SYNE2: variants seen among roughly 807,000 people sequenced by gnomAD.
The protein encoded by SYNE2 is spectrin repeat containing nuclear envelope protein 2.
A neutral mutation model predicts 856.3 loss-of-function variants in SYNE2; 431 were observed. The ratio of observed to expected loss-of-function variants is 0.50; its 90% CI spans 0.47 to 0.55. The LOEUF (loss-of-function observed/expected upper bound fraction) is 0.55, where lower values mean the gene tolerates loss of function less well. Ranked by LOEUF, SYNE2 falls within the 20% of genes least tolerant of loss-of-function variation. The pLI is 0.00. For missense variants in SYNE2, 8,129 were observed against 8,023.2 expected (o/e 1.01, Z -0.50); for synonymous variants, 2,923 against 2,872.3 (o/e 1.02, Z -0.56).
At chr14:64,168,518 G>A (rs1308621925) in intron 92 of SYNE2, among the ~76,000 whole-genome samples, 3 of 152,194 alleles carry the variant, frequency 2.0e-5, no homozygotes, top group Non-Finnish European at 4.4e-5. Flanking sequence ...CCTTAAGTAA[G>A]TTACTGAACC....
At chr14:64,174,860 C>A in intron 94 of SYNE2, 84 bp from the exon 95 acceptor site, 1 of 1,311,666 alleles carries the variant, frequency 7.6e-7, no homozygotes, top group East Asian at 2.4e-5. Flanking sequence ...AAGAAAAGCT[C>A]TGAAGGAAAT....
rs373267993 is a variant in SYNE2 at position 64,029,911 on chromosome 14, T to G, written c.6731T>G (p.Leu2244Trp). The G allele has an allele frequency of 8.1e-6, 13 of 1,613,788 alleles. No homozygotes were observed. In the African/African-American group the frequency reaches 1.6e-4, roughly 20 times the overall value. Residue 2244 changes from leucine to tryptophan, a missense_variant, in exon 44 of 116, where the codon TTG becomes TGG. Transcript: ENST00000555002. Reference sequence around the variant, plus strand: ...TATTTTTAGGATTCTGTGCAAAACTTGGACGGTCACGTTCGAGAACATGAT... The same window carrying G: ...TATTTTTAGGATTCTGTGCAAAACTGGGACGGTCACGTTCGAGAACATGAT... ...LQQLQDSVQNLDGHVREHDSY... is the reference protein window; with the variant it reads ...LQQLQDSVQNWDGHVREHDSY...
At chr14:64,189,954 T>C in intron 98 of SYNE2, 117 bp from the exon 99 acceptor site, 1 of 1,237,468 alleles carries the variant, frequency 8.1e-7, no homozygotes, top group Non-Finnish European at 1.1e-6. Flanking sequence ...TGAGCCACTA[T>C]GCCTGGCCAA....
chr14:64,137,789 A>G lies in SYNE2; in HGVS notation c.14649A>G (p.Gln4883=). ...RLVERISFYQ[Q]IKRNIGGKHA... ...TCTATGACTTTACTTTTTATTAGCA[A>G]ATAAAAAGAAACATTGGTGGAAAAC... is the stretch of plus-strand genomic sequence containing the variant. Residue 4883 remains glutamine (Q), a splice_region_variant and synonymous_variant, in exon 79 of 116, where the codon CAA becomes CAG. Transcript: ENST00000555002. 6.2e-7 allele frequency: 1 copy of G among 1,614,184 alleles called. No homozygotes were observed. The highest frequency in any genetic ancestry group is 1.7e-5 in the Admixed American group (1 of 60,018).
chr14:64,209,992 C>A lies in SYNE2; in HGVS notation c.18591C>A (p.Asn6197Lys). 6.2e-7 allele frequency: 1 copy of A among 1,614,162 alleles called. No homozygotes were observed. Among genetic ancestry groups the A allele is most frequent in the Non-Finnish European group, 8.5e-7 (1 of 1,180,022 alleles). ...GGCTCACTCAGCTGGAGCTCATCAA[C>A]AAGCAGTACCGGCGGCTGGCCCGGG... ...HERLTQLELI[N>K]KQYRRLAREN... Residue 6197 changes from asparagine (N) to lysine (K), a missense_variant, in exon 103 of 116, where the codon AAC becomes AAA. Coordinates refer to ENST00000555002, the MANE Select transcript of SYNE2 (RefSeq NM_182914.3).
In SYNE2 at chr14:63,997,382, A is replaced by G. The variant is rs757121807; in HGVS notation, c.3234A>G (p.Ser1078=). 2.5e-6 allele frequency: 4 copies of G among 1,612,318 alleles called. No homozygotes were observed. Residue 1078 remains serine, a synonymous_variant, in exon 25 of 116, where the codon TCA becomes TCG. Transcript: ENST00000555002. ...APFAKSDNQP[S]TEKAMEPTMK... Reference sequence around the variant, plus strand: ...TTGCAAAATCAGATAATCAGCCATCAACTGAAAAGGTGTTAAATGTGGATA... The same window carrying G: ...TTGCAAAATCAGATAATCAGCCATCGACTGAAAAGGTGTTAAATGTGGATA...
At chr14:63,815,192 CCATATATATATCCAT>C (rs1888903765) in intron 1 of SYNE2, among the ~76,000 whole-genome samples, 3 of 13,440 alleles carry the variant, frequency 2.2e-4, no homozygotes, top group African/African-American at 5.2e-4. Context: ...ATATATATAT[CCATATATATATCCAT>C]ATATATATCC....
At chr14:63,846,060 T>C (rs1195911059) in intron 1 of SYNE2, among the ~76,000 whole-genome samples, 5 of 130,376 alleles carry the variant, frequency 3.8e-5, no homozygotes, top group Non-Finnish European at 6.7e-5. Flanking sequence ...TTTTTTTTTT[T>C]CCTCTTGAGA....
chr14:64,065,974 G>A (rs2097356043), intron 51 of SYNE2, among the ~76,000 whole-genome samples: 2 of 152,072 alleles, frequency 1.3e-5, no homozygotes, highest in Admixed American at 1.3e-4. Context: ...TATACTAAAG[G>A]TTTAGAATTA....
intron 85 of SYNE2, among the ~76,000 whole-genome samples, chr14:64,155,270 G>T (rs1404757189): frequency 6.9e-6 from 1 of 145,654 alleles, no homozygotes; most frequent in Non-Finnish European, 1.5e-5. Flanking sequence ...CATACAAAAG[G>T]AATGAAGTAG....
Position 64,119,397 on chromosome 14 carries a change from TATGAATAATTAA to T in SYNE2, c.12841-26_12841-15del. The T allele has an allele frequency of 6.2e-7, 1 of 1,613,376 alleles. No homozygotes were observed. Among genetic ancestry groups the T allele is most frequent in the East Asian group, 2.2e-5 (1 of 44,890 alleles). On this transcript the variant is annotated intron_variant, in intron 66 of 115. Coordinates refer to ENST00000555002, the MANE Select transcript of SYNE2 (RefSeq NM_182914.3). Reference sequence around the variant, plus strand: ...CACAATACTTCTTCAAGAACAACATTATGAATAATTAAATGCTTTTATTTCCTAGGCTATGCT... The same window carrying T: ...CACAATACTTCTTCAAGAACAACATTATGCTTTTATTTCCTAGGCTATGCT...
chr14:64,224,477 T>C lies in SYNE2; in HGVS notation c.20399T>C (p.Leu6800Pro), dbSNP rs763134759. 8 of 1,613,820 alleles carry C rather than the reference T, an allele frequency of 5.0e-6. No individual in the cohort carries two copies. In the East Asian group the frequency reaches 1.6e-4, roughly 31 times the overall value. Residue 6800 changes from leucine to proline, a missense_variant, in exon 114 of 116, where the codon CTG becomes CCG. Leu to Pro is a moderately conservative substitution (Grantham distance 98). Around this residue, in one of 3 missense-constraint regions of SYNE2, gnomAD observed 5,410 missense variants for 5,284.8 expected, o/e 1.02. Transcript: ENST00000555002. ...GAATTTCAGAACCCAGCCTCACCCC[T>C]GCCCAGCTTCGACGAGGTAGACTCG... ...LQGTQNPASP[L>P]PSFDEVDSGD...
In SYNE2 at chr14:64,215,806, G is replaced by A. The variant is rs1380019831; in HGVS notation, c.19403-442G>A. On this transcript the variant is annotated intron_variant, in intron 107 of 115. Transcript: ENST00000555002. ...GAAAAAACCTTCCTTTCCTTGATTT[G>A]CAGCTCTAATCCTCATCCTTAGCCC... is the stretch of plus-strand genomic sequence containing the variant. 3 of 542,810 alleles carry A rather than the reference G, an allele frequency of 5.5e-6. No homozygotes were observed. In the East Asian group the frequency reaches 1.9e-4, roughly 34 times the overall value. The allele number at this position is 542,810 out of a possible 1,614,324, so 33.6% of individuals were successfully genotyped here.
At chr14:64,053,793 A>G (rs1370473419) in intron 48 of SYNE2, 136 bp downstream of exon 48, 1 of 769,724 alleles carries the variant, frequency 1.3e-6, no homozygotes, top group Non-Finnish European at 2.0e-6. Flanking sequence ...GCAAAACTGC[A>G]TGTATACTAA....
chr14:64,168,489 CT>C (rs2098394223), intron 92 of SYNE2, among the ~76,000 whole-genome samples: 1 of 152,176 alleles, frequency 6.6e-6, no homozygotes, highest in Non-Finnish European at 1.5e-5. Context: ...GAAATCACCC[CT>C]GCCAAAAAGC....
At chr14:63,930,821 C>T (rs1311656593) in intron 2 of SYNE2, among the ~76,000 whole-genome samples, 1 of 152,186 alleles carries the variant, frequency 6.6e-6, no homozygotes, top group African/African-American at 2.4e-5. Flanking sequence ...CAGGCGTGAG[C>T]CACCACACCA....
intron 1 of SYNE2, among the ~76,000 whole-genome samples, chr14:63,866,461 A>G (rs1306495540): frequency 6.6e-6 from 1 of 152,134 alleles, no homozygotes; most frequent in East Asian, 1.9e-4. Context: ...CCAGGAGTTC[A>G]AGACCAGCCT....
chr14:63,986,297 G>A (rs988597306), intron 18 of SYNE2, among the ~76,000 whole-genome samples, 159 bp from the exon 19 acceptor site: 1 of 152,026 alleles, frequency 6.6e-6, no homozygotes, highest in Non-Finnish European at 1.5e-5. Context: ...ATGAGGTCCC[G>A]CTTTGTTGCC....
chr14:63,826,122 C>A (rs1595149253), intron 1 of SYNE2, among the ~76,000 whole-genome samples: 1 of 152,050 alleles, frequency 6.6e-6, no homozygotes, highest in Admixed American at 6.6e-5. Context: ...GTTGGAGTTA[C>A]TTACACACTT....
Sources: allele counts gnomAD v4.1 joint callset (sites outside exome capture counted in the v4.1 genomes callset), GRCh38; gene constraint gnomAD v4.1.1; regional missense constraint gnomAD v4.1.1; transcripts MANE v1.5; gene names NCBI Gene and HGNC (gene_info 2026-07-23, HGNC 2026-07-21).